Variants in NXPE4 observed in about 807,000 individuals in gnomAD.
NXPE4 encodes NXPE family member 4.
Under a neutral mutation model 33.3 loss-of-function variants are expected in NXPE4, and 42 were observed. The observed-to-expected ratio is 1.26, with a 90% CI of 0.98 to 1.63. The LOEUF is 1.63. Among genes scored for constraint, NXPE4 ranks in the 40% most tolerant of loss-of-function variants. The pLI, the probability that NXPE4 is intolerant of heterozygous loss-of-function variation, is 0.00. For synonymous variants in NXPE4, 253 were observed against 234.9 expected (o/e 1.08, Z -0.71); for missense variants, 709 against 647.6 (o/e 1.09, Z -1.03).
At chr11:114,649,091 C>T in the NXPE4 span, among the ~76,000 whole-genome samples, 2 of 151,780 alleles carry the variant, frequency 1.3e-5, no homozygotes, top group South Asian at 4.2e-4. Context: ...ACTACCATTC[C>T]ATATTCCTTT....
chr11:114,618,832 G>A, the NXPE4 span, among the ~76,000 whole-genome samples: 242 of 150,618 alleles, frequency 1.6e-3, 1 homozygote, highest in Middle Eastern at 0.036. Context: ...GTATTGCCTC[G>A]TGGGCAACCA....
the NXPE4 span, among the ~76,000 whole-genome samples, chr11:114,634,838 T>C: frequency 3.9e-5 from 6 of 152,050 alleles, no homozygotes; most frequent in South Asian, 4.1e-4. Flanking sequence ...TGTTTTGGTA[T>C]CAGTGCTATG....
At chr11:114,612,441 C>T in the NXPE4 span, among the ~76,000 whole-genome samples, 1 of 151,452 alleles carries the variant, frequency 6.6e-6, no homozygotes, top group South Asian at 2.1e-4. Context: ...TCGTGGGTCA[C>T]CACTGCTACC....
chr11:114,675,043 G>A, the NXPE4 span, among the ~76,000 whole-genome samples: 11 of 151,570 alleles, frequency 7.3e-5, no homozygotes, highest in African/African-American at 2.7e-4. Context: ...CAGAATGCAG[G>A]ATAAAAATCA....
At chr11:114,675,147 TAGA>T in the NXPE4 span, among the ~76,000 whole-genome samples, 1 of 151,606 alleles carries the variant, frequency 6.6e-6, no homozygotes. Flanking sequence ...GAAGGATTAT[TAGA>T]AGGATTATAC....
chr11:114,648,436 C>A, the NXPE4 span, among the ~76,000 whole-genome samples: 2 of 152,168 alleles, frequency 1.3e-5, no homozygotes, highest in African/African-American at 4.8e-5. Context: ...GACTTTTGTT[C>A]TATTCAGGCT....
chr11:114,609,896 C>T, the NXPE4 span, among the ~76,000 whole-genome samples: 3 of 151,960 alleles, frequency 2.0e-5, no homozygotes, highest in East Asian at 3.9e-4. Context: ...ATAAGTGTTG[C>T]CTCCTGGGTA....
the NXPE4 span, among the ~76,000 whole-genome samples, chr11:114,660,869 C>T: frequency 3.3e-5 from 5 of 151,986 alleles, no homozygotes; most frequent in Non-Finnish European, 5.9e-5. Flanking sequence ...ATAAAATCTA[C>T]CAGAACTATT....
chr11:114,594,268 C>A (rs1261831163), intron 2 of NXPE4, among the ~76,000 whole-genome samples: 1 of 152,114 alleles, frequency 6.6e-6, no homozygotes, highest in African/African-American at 2.4e-5. Context: ...GTATTATATG[C>A]TTGTATCAAA....
upstream of NXPE4, among the ~76,000 whole-genome samples, chr11:114,596,238 C>T: frequency 6.6e-6 from 1 of 152,142 alleles, no homozygotes; most frequent in East Asian, 1.9e-4. Context: ...ATATTAATTG[C>T]ATCTGAGACT....
At chr11:114,627,259 C>A in the NXPE4 span, among the ~76,000 whole-genome samples, 7 of 151,928 alleles carry the variant, frequency 4.6e-5, no homozygotes, top group African/African-American at 1.7e-4. Context: ...ATGTTAAAGG[C>A]AGCCAGAGAG....
chr11:114,630,899 T>G, the NXPE4 span, among the ~76,000 whole-genome samples: 1 of 151,744 alleles, frequency 6.6e-6, no homozygotes, highest in East Asian at 1.9e-4. Flanking sequence ...AAGACATTTA[T>G]GCAGCCAAAA....
At chr11:114,636,989 C>T in the NXPE4 span, among the ~76,000 whole-genome samples, 1 of 152,216 alleles carries the variant, frequency 6.6e-6, no homozygotes, top group African/African-American at 2.4e-5. Context: ...CCACTTGGTG[C>T]AGAGCTGAGT....
intron 2 of NXPE4, among the ~76,000 whole-genome samples, chr11:114,590,470 G>A (rs967928275): frequency 6.6e-6 from 1 of 152,164 alleles, no homozygotes; most frequent in African/African-American, 2.4e-5. Flanking sequence ...GGTATGGTGA[G>A]ATAGATCATC....
chr11:114,663,376 G>A, the NXPE4 span, among the ~76,000 whole-genome samples: 2 of 152,140 alleles, frequency 1.3e-5, no homozygotes. Flanking sequence ...TCCTGTTCAA[G>A]AGTTAGGACT....
chr11:114,616,398 G>A, the NXPE4 span, among the ~76,000 whole-genome samples: 25 of 151,212 alleles, frequency 1.7e-4, 1 homozygote, highest in African/African-American at 4.7e-4. Flanking sequence ...TTGTTGCCTC[G>A]TGGGTAACCG....
chr11:114,622,632 TAA>T, the NXPE4 span, among the ~76,000 whole-genome samples: 105 of 152,014 alleles, frequency 6.9e-4, no homozygotes, highest in African/African-American at 2.4e-3. Context: ...CAGTGGATAA[TAA>T]GTGTTGCCTC....
At chr11:114,669,796 C>A in the NXPE4 span, among the ~76,000 whole-genome samples, 1 of 152,176 alleles carries the variant, frequency 6.6e-6, no homozygotes, top group African/African-American at 2.4e-5. Flanking sequence ...AAAAAAAACT[C>A]TTCCAAAGAT....
chr11:114,571,061 C>T lies in NXPE4; in HGVS notation c.1512G>A (p.Gln504=). The T allele has an allele frequency of 6.2e-7, 1 of 1,613,906 alleles. No homozygotes were observed. Among genetic ancestry groups the T allele is most frequent in the Non-Finnish European group, 8.5e-7 (1 of 1,179,856 alleles). ...CATCAATGATACTCACACTGAGATC[C>T]TGGAAAATGTCCTTTATGATGAGAT... The part of the protein sequence containing the change: ...IQYLIIKDIF[Q]DLSVSIIDAW... Residue 504 remains glutamine (Q), a synonymous_variant, in exon 6 of 6, where the codon CAG becomes CAA. Transcript: ENST00000375478.
Sources: allele counts gnomAD v4.1 joint callset (sites outside exome capture counted in the v4.1 genomes callset), GRCh38; gene constraint gnomAD v4.1.1; transcripts MANE v1.5; gene names NCBI Gene and HGNC (gene_info 2026-07-23, HGNC 2026-07-21).